BAALC: variants seen among roughly 807,000 people sequenced by gnomAD.
BAALC encodes the protein brain and acute leukemia cytoplasmic protein.
A neutral mutation model predicts 15.5 loss-of-function variants in BAALC; 9 were observed. That is an observed-to-expected ratio of 0.58 (90% CI 0.35 to 1.02). BAALC has a LOEUF of 1.02. Ranked by LOEUF, BAALC falls within the 50% of genes least tolerant of loss-of-function variation. The pLI, the probability that BAALC is intolerant of heterozygous loss-of-function variation, is 0.02. For synonymous variants in BAALC, 80 were observed against 74.6 expected (o/e 1.07, Z -0.37); for missense variants, 201 against 192.4 (o/e 1.04, Z -0.27).
Position 103,141,031 on chromosome 8 carries a change from G to T in BAALC, c.134G>T (p.Gly45Val). 1 of 1,509,292 alleles carries T rather than the reference G, an allele frequency of 6.6e-7. No homozygotes were observed. 93.5% of individuals were successfully genotyped at this position (1,509,292 alleles called of 1,614,324 possible). Residue 45 changes from glycine (G) to valine (V), a missense_variant, in exon 1 of 3, where the codon GGC becomes GTC. Gly to Val is a moderately radical substitution (Grantham distance 109). Coordinates refer to ENST00000309982, the MANE Select transcript of BAALC (RefSeq NM_024812.3). ...CCCAGCGCCGCCGCCCCGGACAGCG[G>T]CCCCGAAGCGGGCGGCCTGCACTCG... ...APPSAAAPDS[G>V]PEAGGLHSGM...
At chr8:103,198,981 C>T (rs1028509614) in intron 1 of BAALC, among the ~76,000 whole-genome samples, 1 of 152,134 alleles carries the variant, frequency 6.6e-6, no homozygotes, top group Admixed American at 6.5e-5. Context: ...CTATATAAGT[C>T]TACTTTATTA....
chr8:103,212,939 C>A lies in BAALC; in HGVS notation c.181C>A (p.Pro61Thr). The A allele has an allele frequency of 6.2e-7, 1 of 1,613,092 alleles. No homozygotes were observed. The highest frequency in any genetic ancestry group is 8.5e-7 in the Non-Finnish European group (1 of 1,179,358). ...CCCAGGCATGCTGGAAGATGGACTG[C>A]CCTCCAATGGTGTGCCCCGATCTAC... ...LHSGMLEDGL[P>T]SNGVPRSTAP... Residue 61 changes from proline (P) to threonine (T), a missense_variant, in exon 2 of 3, where the codon CCC (proline) becomes ACC (threonine). Coordinates refer to ENST00000309982, the MANE Select transcript of BAALC (RefSeq NM_024812.3).
intron 1 of BAALC, among the ~76,000 whole-genome samples, chr8:103,205,432 G>A (rs1812306173): frequency 6.6e-6 from 1 of 152,172 alleles, no homozygotes; most frequent in African/African-American, 2.4e-5. Flanking sequence ...GCACATAAAT[G>A]TCTCCTAATT....
At chr8:103,191,032 C>G (rs1811955344) in intron 1 of BAALC, 1 of 152,136 alleles carries the variant, frequency 6.6e-6, no homozygotes, top group African/African-American at 2.4e-5. Context: ...CCCATCTCTA[C>G]TAATAAAATA....
At chr8:103,189,583 G>A (rs1221363749) in intron 1 of BAALC, among the ~76,000 whole-genome samples, 2 of 152,220 alleles carry the variant, frequency 1.3e-5, no homozygotes, top group East Asian at 3.8e-4. Context: ...ACTGCAGATG[G>A]CAGGCATCAG....
chr8:103,202,976 T>C (rs1281149130), intron 1 of BAALC: 4 of 152,250 alleles, frequency 2.6e-5, no homozygotes, highest in African/African-American at 9.6e-5. Context: ...ACTTTTCCTT[T>C]TGGCTGCCTT....
chr8:103,162,850 A>C (rs185586455), intron 1 of BAALC, among the ~76,000 whole-genome samples: 30 of 152,298 alleles, frequency 2.0e-4, no homozygotes, highest in Admixed American at 2.0e-3. Flanking sequence ...CCAGGGTCAG[A>C]AACAAAGGAC....
chr8:103,200,582 G>A, intron 1 of BAALC: 1 of 514,798 alleles, frequency 1.9e-6, no homozygotes, highest in East Asian at 2.8e-5. Context: ...AACAGGGACT[G>A]TCTTCCTCTG....
intron 1 of BAALC, 39 bp from the exon 2 acceptor site, chr8:103,212,880 T>A: frequency 1.3e-6 from 2 of 1,574,384 alleles, no homozygotes; most frequent in Non-Finnish European, 1.7e-6. Context: ...ATCTGCCATG[T>A]GCAAGCTTCT....
chr8:103,178,561 TA>T (rs1284771116), intron 1 of BAALC, among the ~76,000 whole-genome samples: 3 of 152,080 alleles, frequency 2.0e-5, no homozygotes, highest in African/African-American at 7.2e-5. Flanking sequence ...GATTTTGAAA[TA>T]AAAAGTTTAA....
chr8:103,213,114 G>A, intron 2 of BAALC, 29 bp downstream of exon 2: 1 of 1,609,458 alleles, frequency 6.2e-7, no homozygotes, highest in South Asian at 1.1e-5. Context: ...AATCAACTGG[G>A]GACTGGAGAA....
At chr8:103,153,652 C>A (rs1177942892) in intron 1 of BAALC, among the ~76,000 whole-genome samples, 1 of 152,188 alleles carries the variant, frequency 6.6e-6, no homozygotes, top group African/African-American at 2.4e-5. Flanking sequence ...TTCCATGGCA[C>A]CAATTTCCAG....
At chr8:103,161,927 C>T (rs914026617) in intron 1 of BAALC, among the ~76,000 whole-genome samples, 2 of 150,588 alleles carry the variant, frequency 1.3e-5, no homozygotes, top group Non-Finnish European at 3.0e-5. Context: ...TATATACAAT[C>T]TGTTCACATC....
chr8:103,213,678 G>C (rs1388203682), intron 2 of BAALC: 1 of 152,698 alleles, frequency 6.5e-6, no homozygotes, highest in African/African-American at 2.4e-5. Context: ...GGGTACAGGA[G>C]GGGCAGCCCA....
chr8:103,217,831 G>A (rs544692814), intron 2 of BAALC, among the ~76,000 whole-genome samples: 2 of 152,310 alleles, frequency 1.3e-5, no homozygotes, highest in South Asian at 4.1e-4. Context: ...TTCATCAAAT[G>A]TTCATTGAGT....
At position 103,228,088 on chromosome 8, in the gene BAALC, T is replaced by G; in HGVS notation, c.427T>G (p.Cys143Gly). 1.9e-6 allele frequency: 3 copies of G among 1,609,242 alleles called. No individual in the cohort carries two copies. The highest frequency in any genetic ancestry group is 2.6e-6 in the Non-Finnish European group (3 of 1,176,028). The change falls in exon 3 of 3, where the codon TGT becomes GGT. Residue 143 changes from cysteine to glycine, a missense_variant. Transcript: ENST00000309982. ...MDRSRRITKN[C>G]VN ...CAGAAGTCGAAGAATCACAAAGAACTGTGTCAACTAGCAGAGAGTCCAAGC... is the reference window on the plus strand; with the variant it reads ...CAGAAGTCGAAGAATCACAAAGAACGGTGTCAACTAGCAGAGAGTCCAAGC...
intron 1 of BAALC, chr8:103,157,011 C>T (rs957640852): frequency 2.0e-5 from 3 of 152,352 alleles, no homozygotes; most frequent in South Asian, 2.1e-4. Flanking sequence ...AAAATTCAAA[C>T]GCTGACTCTT....
chr8:103,165,719 C>T (rs1006417620), intron 1 of BAALC: 1 of 152,260 alleles, frequency 6.6e-6, no homozygotes, highest in Non-Finnish European at 1.5e-5. Context: ...TTCAGCCAGC[C>T]ACTGTTCTAA....
chr8:103,150,495 A>C (rs1221687678), intron 1 of BAALC, among the ~76,000 whole-genome samples: 2 of 152,132 alleles, frequency 1.3e-5, no homozygotes, highest in Non-Finnish European at 2.9e-5. Context: ...TTCCAGCTCT[A>C]GGTCTTTGTG....
Sources: gnomAD v4.1 joint callset for allele counts (sites outside exome capture counted in the v4.1 genomes callset) on GRCh38, gnomAD v4.1.1 for gene constraint, MANE v1.5 for transcripts, NCBI Gene and HGNC (gene_info 2026-07-23, HGNC 2026-07-21) for gene names.